PDZRN4: variants seen among roughly 807,000 people sequenced by gnomAD.
PDZRN4 encodes PDZ domain containing ring finger 4, also known as PDZ domain-containing RING finger protein 4.
In PDZRN4, 70 loss-of-function variants were observed where a neutral mutation model predicts 99.0. The observed-to-expected ratio is 0.71, with a 90% CI of 0.58 to 0.86. The LOEUF (loss-of-function observed/expected upper bound fraction) is 0.86. PDZRN4 is among the 40% of genes least tolerant of loss of function. PDZRN4 has a pLI of 0.00. For missense variants in PDZRN4, 1,474 were observed against 1,331.2 expected (o/e 1.11, Z -1.67); for synonymous variants, 551 against 501.6 (o/e 1.10, Z -1.32).
At chr12:41,337,164 A>G (rs1052885021) in intron 3 of PDZRN4, among the ~76,000 whole-genome samples, 3 of 152,158 alleles carry the variant, frequency 2.0e-5, no homozygotes, top group African/African-American at 7.2e-5. Flanking sequence ...CCCAAGAATG[A>G]ACAAGGACAG....
At chr12:41,388,232 C>T (rs1197304938) in intron 3 of PDZRN4, among the ~76,000 whole-genome samples, 7 of 152,022 alleles carry the variant, frequency 4.6e-5, no homozygotes, top group African/African-American at 7.2e-5. Context: ...GAACAACACA[C>T]GCTGGGGCCT....
intron 3 of PDZRN4, among the ~76,000 whole-genome samples, chr12:41,500,365 C>T (rs893462487): frequency 5.3e-5 from 8 of 151,822 alleles, no homozygotes; most frequent in African/African-American, 1.7e-4. Flanking sequence ...CAGAAGAAGC[C>T]CCAGGATCAC....
intron 3 of PDZRN4, among the ~76,000 whole-genome samples, chr12:41,439,987 G>C (rs186803386): frequency 2.0e-5 from 3 of 152,268 alleles, no homozygotes; most frequent in East Asian, 3.9e-4. Context: ...GCCCCGTGTG[G>C]TGCTGCAAAC....
chr12:41,276,605 C>T (rs112681762), intron 3 of PDZRN4, among the ~76,000 whole-genome samples: 3,108 of 152,088 alleles, frequency 0.02, 80 homozygotes, highest in African/African-American at 0.058. Flanking sequence ...TTGATTAAAG[C>T]CTTGCAATAA....
At chr12:41,324,951 A>G (rs1011401821) in intron 3 of PDZRN4, among the ~76,000 whole-genome samples, 3 of 152,158 alleles carry the variant, frequency 2.0e-5, no homozygotes, top group African/African-American at 7.2e-5. Context: ...TTGAAATTAC[A>G]TATGTGGCTC....
At chr12:41,214,081 C>T (rs543216157) in intron 3 of PDZRN4, among the ~76,000 whole-genome samples, 90 of 151,726 alleles carry the variant, frequency 5.9e-4, no homozygotes, top group African/African-American at 2.0e-3. Flanking sequence ...TGATCAGAGA[C>T]GTAGTGGGAT....
intron 3 of PDZRN4, among the ~76,000 whole-genome samples, chr12:41,277,557 C>T (rs1220942564): frequency 1.3e-5 from 2 of 152,210 alleles, no homozygotes; most frequent in Non-Finnish European, 2.9e-5. Context: ...TCACCTTACG[C>T]TCACTGTGGT....
intron 8 of PDZRN4, among the ~76,000 whole-genome samples, chr12:41,566,867 A>G (rs965607635): frequency 1.3e-5 from 2 of 152,216 alleles, no homozygotes; most frequent in Admixed American, 6.5e-5. Flanking sequence ...TTTAATCAGC[A>G]TAGACAGCTA....
intron 3 of PDZRN4, among the ~76,000 whole-genome samples, chr12:41,404,576 T>C (rs1052504349): frequency 6.6e-6 from 1 of 152,012 alleles, no homozygotes; most frequent in African/African-American, 2.4e-5. Flanking sequence ...AAAATGGCCA[T>C]ACTGCCCAGA....
At chr12:41,258,240 C>A (rs140296607) in intron 3 of PDZRN4, among the ~76,000 whole-genome samples, 76 of 152,052 alleles carry the variant, frequency 5.0e-4, no homozygotes, top group African/African-American at 1.8e-3. Flanking sequence ...TCTATTTTTT[C>A]TTCTAGTATC....
chr12:41,378,601 C>T (rs1421913355), intron 3 of PDZRN4, among the ~76,000 whole-genome samples: 1 of 137,688 alleles, frequency 7.3e-6, no homozygotes, highest in Non-Finnish European at 1.5e-5. Flanking sequence ...TGGCTCACTG[C>T]AACATCTGCC....
chr12:41,329,106 G>C (rs1274194103), intron 3 of PDZRN4, among the ~76,000 whole-genome samples: 1 of 152,118 alleles, frequency 6.6e-6, no homozygotes, highest in Non-Finnish European at 1.5e-5. Context: ...TGAATCTAGG[G>C]ATAAGGTTAG....
chr12:41,259,611 C>T (rs1386960411), intron 3 of PDZRN4, among the ~76,000 whole-genome samples: 1 of 152,094 alleles, frequency 6.6e-6, no homozygotes, highest in Non-Finnish European at 1.5e-5. Context: ...ACTATAACCA[C>T]ATCTGTGGAC....
chr12:41,407,040 G>A (rs1449673466), intron 3 of PDZRN4, among the ~76,000 whole-genome samples: 1 of 152,090 alleles, frequency 6.6e-6, no homozygotes, highest in Non-Finnish European at 1.5e-5. Context: ...GATGAGCATT[G>A]TTCCTCCTAA....
intron 8 of PDZRN4, among the ~76,000 whole-genome samples, chr12:41,565,576 T>C (rs759747939): frequency 3.3e-5 from 5 of 152,156 alleles, no homozygotes; most frequent in Non-Finnish European, 5.9e-5. Context: ...TTGTGTGCTT[T>C]TTCTAGCTTT....
intron 3 of PDZRN4, among the ~76,000 whole-genome samples, chr12:41,501,325 A>C (rs1938105347): frequency 6.6e-6 from 1 of 152,136 alleles, no homozygotes; most frequent in East Asian, 1.9e-4. Flanking sequence ...AAAATCAAAA[A>C]AGGCTGTTTG....
chr12:41,249,077 A>G (rs187486197), intron 3 of PDZRN4, among the ~76,000 whole-genome samples: 1 of 152,336 alleles, frequency 6.6e-6, no homozygotes, highest in East Asian at 1.9e-4. Flanking sequence ...AACAAAAATG[A>G]CCATGTTATA....
rs770959270 is a variant in PDZRN4 at position 41,573,120 on chromosome 12, T to C, written c.2341T>C (p.Ser781Pro). Residue 781 changes from serine (S) to proline (P), a missense_variant, in exon 10 of 10, where the codon TCC (serine) becomes CCC (proline). Transcript: ENST00000402685. Reference sequence around the variant, plus strand: ...GAGAAGCACAATGGCAGCCACCCAGTCCTCTTCCGGACAGAGCAGTAAAGA... The same window carrying C: ...GAGAAGCACAATGGCAGCCACCCAGCCCTCTTCCGGACAGAGCAGTAAAGA... ...NLRSTMAATQ[S>P]SSGQSSKEST... 6.2e-7 allele frequency: 1 copy of C among 1,614,058 alleles called. No homozygotes were observed. The highest frequency in any genetic ancestry group is 2.2e-5 in the East Asian group (1 of 44,868).
chr12:41,465,280 T>C (rs554468676), intron 3 of PDZRN4, among the ~76,000 whole-genome samples: 39 of 152,356 alleles, frequency 2.6e-4, no homozygotes, highest in African/African-American at 9.1e-4. Flanking sequence ...GGAGGAACTT[T>C]ATATTGGACA....
Sources: allele counts gnomAD v4.1 joint callset (sites outside exome capture counted in the v4.1 genomes callset), GRCh38; gene constraint gnomAD v4.1.1; transcripts MANE v1.5; gene names NCBI Gene and HGNC (gene_info 2026-07-23, HGNC 2026-07-21).